The following SGCZ variants were observed in gnomAD, a reference collection of about 807,000 sequenced individuals.
SGCZ encodes the protein zeta-sarcoglycan.
Under a neutral mutation model 41.3 loss-of-function variants are expected in SGCZ, and 40 were observed. The observed-to-expected ratio is 0.97, with a 90% CI of 0.75 to 1.26. The LOEUF is 1.26. SGCZ is among the 50% of genes most tolerant of loss of function. The pLI is 0.00. For missense variants in SGCZ, 552 were observed against 369.8 expected (o/e 1.49, Z -4.04); for synonymous variants, 206 against 137.5 (o/e 1.50, Z -3.49).
intron 4 of SGCZ, among the ~76,000 whole-genome samples, chr8:14,210,810 C>T (rs1382136): frequency 0.56 from 85,797 of 151,978 alleles, 24,473 homozygotes; most frequent in South Asian, 0.72. Context: ...TTTGTGGTCA[C>T]TATTTGCCAA....
At chr8:14,888,820 A>G (rs540167821) in intron 1 of SGCZ, among the ~76,000 whole-genome samples, 1 of 152,184 alleles carries the variant, frequency 6.6e-6, no homozygotes, top group Non-Finnish European at 1.5e-5. Flanking sequence ...ATTGTGAAGT[A>G]AACATTATTT....
At position 14,779,442 on chromosome 8, in the gene SGCZ, G is replaced by C. The variant is rs562569291; in HGVS notation, c.40-224516C>G. ...AGGCCGGTCAAGCCTTCAAATGATT[G>C]CAATTCAGCTGCCATCCGACCCTAA... is the stretch of plus-strand genomic sequence containing the variant. On this transcript the variant is annotated intron_variant, in intron 1 of 7. Coordinates refer to ENST00000382080, the MANE Select transcript of SGCZ (RefSeq NM_139167.4). 7.9e-5 allele frequency among the ~76,000 whole-genome samples: 12 copies of C among 152,200 alleles called. No individual in the cohort carries two copies. In the South Asian group the frequency reaches 2.5e-3, roughly 32 times the overall value.
intron 1 of SGCZ, among the ~76,000 whole-genome samples, chr8:15,122,463 G>C (rs917700217): frequency 3.9e-5 from 6 of 152,192 alleles, no homozygotes; most frequent in African/African-American, 1.4e-4. Flanking sequence ...GAAATGTTTT[G>C]CTTTTTGTAG....
intron 4 of SGCZ, among the ~76,000 whole-genome samples, chr8:14,209,250 C>G (rs1189490071): frequency 5.3e-5 from 8 of 152,224 alleles, no homozygotes; most frequent in Non-Finnish European, 1.0e-4. Context: ...CCTCTTCAAA[C>G]CTGCCTATAA....
chr8:14,129,345 CAAAAAAAAAAAAAAAAA>C (rs534660638), intron 5 of SGCZ, among the ~76,000 whole-genome samples: 2 of 44,114 alleles, frequency 4.5e-5, no homozygotes, highest in Non-Finnish European at 9.8e-5. Context: ...GACTCCGTCT[CAAAAAAAAAAAAAAAAA>C]AAAAAAAAAA....
At chr8:14,614,981 C>T (rs1456566150) in intron 1 of SGCZ, among the ~76,000 whole-genome samples, 1 of 140,304 alleles carries the variant, frequency 7.1e-6, no homozygotes, top group Non-Finnish European at 1.6e-5. Flanking sequence ...CATGTACACA[C>T]ATATGTGTGT....
chr8:14,491,345 T>C (rs962446967), intron 2 of SGCZ, among the ~76,000 whole-genome samples: 1 of 146,290 alleles, frequency 6.8e-6, no homozygotes, highest in African/African-American at 2.5e-5. Flanking sequence ...ACATCACACA[T>C]CAGGGATCTC....
chr8:14,984,410 A>G (rs531453961), intron 1 of SGCZ, among the ~76,000 whole-genome samples: 1 of 152,336 alleles, frequency 6.6e-6, no homozygotes, highest in South Asian at 2.1e-4. Context: ...CTTGTTTTAA[A>G]CCAAATAAAA....
chr8:14,493,615 C>G (rs1025761582), intron 2 of SGCZ, among the ~76,000 whole-genome samples: 5 of 151,612 alleles, frequency 3.3e-5, no homozygotes, highest in Non-Finnish European at 5.9e-5. Flanking sequence ...ATCTGCCCAC[C>G]TCAGCCTCCC....
chr8:14,805,679 A>G (rs1291711554), intron 1 of SGCZ, among the ~76,000 whole-genome samples: 2 of 151,688 alleles, frequency 1.3e-5, no homozygotes, highest in East Asian at 3.9e-4. Flanking sequence ...AACGAGACAG[A>G]AAGTCACCAA....
intron 1 of SGCZ, among the ~76,000 whole-genome samples, chr8:14,981,486 A>T (rs1392091034): frequency 6.6e-6 from 1 of 152,196 alleles, no homozygotes; most frequent in African/African-American, 2.4e-5. Flanking sequence ...TCAAAGGGAA[A>T]CCTGGCTTCA....
At chr8:14,096,320 T>G (rs1038859375) in intron 7 of SGCZ, among the ~76,000 whole-genome samples, 8 of 152,292 alleles carry the variant, frequency 5.3e-5, no homozygotes, top group Non-Finnish European at 1.0e-4. Flanking sequence ...GAAGGGGTGT[T>G]GAATTTTGTT....
intron 7 of SGCZ, among the ~76,000 whole-genome samples, chr8:14,096,759 T>C (rs1226823752): frequency 6.6e-6 from 1 of 152,212 alleles, no homozygotes; most frequent in African/African-American, 2.4e-5. Flanking sequence ...TGGTAGGCTA[T>C]TAATTATTGC....
intron 1 of SGCZ, among the ~76,000 whole-genome samples, chr8:14,645,019 G>T (rs1585149966): frequency 6.6e-6 from 1 of 151,168 alleles, no homozygotes. Flanking sequence ...GTGGTCTCAG[G>T]TCTCATCTGA....
chr8:14,666,684 C>CA lies in SGCZ; in HGVS notation c.40-111759dup, dbSNP rs34262206. Among the ~76,000 whole-genome samples the CA allele has an allele frequency of 4.2e-3, 446 of 107,260 alleles. 2 individuals are homozygous for CA. The highest frequency in any genetic ancestry group is 0.02 in the Middle Eastern group (4 of 200). 70.4% of individuals were successfully genotyped at this position (107,260 alleles called of 152,430 possible). A position where few individuals can be genotyped will look rare whatever the true frequency, so the allele number is the denominator to read the frequency against. On this transcript the variant is annotated intron_variant, in intron 1 of 7. Transcript: ENST00000382080. ...GGACATATCTTGTTGGTAGAATTTGCAAAAAAAAAAAAAAAAAGAATTGAA... is the reference window on the plus strand; with the variant it reads ...GGACATATCTTGTTGGTAGAATTTGCAAAAAAAAAAAAAAAAAAGAATTGAA...
chr8:15,119,813 T>C (rs1161550821), intron 1 of SGCZ, among the ~76,000 whole-genome samples: 1 of 152,136 alleles, frequency 6.6e-6, no homozygotes, highest in African/African-American at 2.4e-5. Flanking sequence ...AATTCCACTT[T>C]TATATTTTTC....
chr8:14,474,208 A>T (rs1056788967), intron 2 of SGCZ, among the ~76,000 whole-genome samples: 1 of 152,216 alleles, frequency 6.6e-6, no homozygotes, highest in Non-Finnish European at 1.5e-5. Flanking sequence ...TGATGTACTA[A>T]AGATACTCTG....
chr8:15,195,359 G>C (rs1417880805), intron 1 of SGCZ, among the ~76,000 whole-genome samples: 4 of 152,124 alleles, frequency 2.6e-5, no homozygotes, highest in Non-Finnish European at 5.9e-5. Context: ...TAACTGATTT[G>C]TCTGAACACT....
chr8:14,533,997 T>C (rs17119710), intron 2 of SGCZ, among the ~76,000 whole-genome samples: 14,194 of 151,992 alleles, frequency 0.093, 930 homozygotes, highest in East Asian at 0.33. Flanking sequence ...AGGCTCATTC[T>C]ACCAGGGGTA....
Sources: allele counts gnomAD v4.1 joint callset (sites outside exome capture counted in the v4.1 genomes callset), GRCh38; gene constraint gnomAD v4.1.1; transcripts MANE v1.5; gene names NCBI Gene and HGNC (gene_info 2026-07-23, HGNC 2026-07-21).